Variants in MEGF6 observed in about 807,000 individuals in gnomAD.
MEGF6 encodes the protein multiple epidermal growth factor-like domains protein 6.
A neutral mutation model predicts 207.1 loss-of-function variants in MEGF6; 184 were observed. The observed-to-expected ratio is 0.89, with a 90% confidence interval of 0.79 to 1.00. The LOEUF (loss-of-function observed/expected upper bound fraction) is 1.00. Ranked by LOEUF, MEGF6 falls within the 50% of genes least tolerant of loss-of-function variation. The probability of loss-of-function intolerance (pLI) is 0.00; values close to 1 mark genes in which losing one functional copy is unlikely to be tolerated. For synonymous variants in MEGF6, 1,038 were observed against 910.0 expected, an observed-to-expected ratio of 1.14 and a Z score of -2.53; for missense variants, 2,282 against 2,202.9, an observed-to-expected ratio of 1.04 and a Z score of -0.72.
intron 30 of MEGF6, among the ~76,000 whole-genome samples, chr1:3,495,080 G>C (rs1189102373): frequency 3.9e-5 from 6 of 152,204 alleles, no homozygotes; most frequent in Non-Finnish European, 2.9e-5. Context: ...CTCCCGCTTG[G>C]GAGTGAAGGC....
At chr1:3,521,543 A>C (rs1641747089) in intron 5 of MEGF6, among the ~76,000 whole-genome samples, 1 of 152,152 alleles carries the variant, frequency 6.6e-6, no homozygotes. Context: ...TGGGTCCCTC[A>C]GCAACAAGAA....
the MEGF6 span, among the ~76,000 whole-genome samples, chr1:3,622,284 T>C: frequency 9.9e-5 from 15 of 152,260 alleles, no homozygotes; most frequent in Admixed American, 3.3e-4. Context: ...CTTGTCATAG[T>C]TCTCACAAGA....
chr1:3,601,174 T>C (rs1250397751), intron 2 of MEGF6, among the ~76,000 whole-genome samples: 3 of 152,154 alleles, frequency 2.0e-5, no homozygotes, highest in Admixed American at 6.5e-5. Flanking sequence ...CATGCCCCCA[T>C]AGCGAGGGGA....
At chr1:3,620,709 G>A in the MEGF6 span, among the ~76,000 whole-genome samples, 1 of 152,222 alleles carries the variant, frequency 6.6e-6, no homozygotes, top group Non-Finnish European at 1.5e-5. Context: ...ATGAGAGATC[G>A]TAGAAATAAA....
At chr1:3,599,270 T>TC (rs1178918706) in intron 2 of MEGF6, among the ~76,000 whole-genome samples, 11 of 152,154 alleles carry the variant, frequency 7.2e-5, no homozygotes, top group East Asian at 3.9e-4. Flanking sequence ...CCTGCTGGCC[T>TC]CCCCCCCAGA....
chr1:3,604,140 C>T (rs929482106), intron 1 of MEGF6, among the ~76,000 whole-genome samples: 6 of 152,344 alleles, frequency 3.9e-5, no homozygotes, highest in Non-Finnish European at 5.9e-5. Context: ...CAGAGTCCAG[C>T]TCCAGGTCTC....
chr1:3,616,631 A>C, the MEGF6 span, among the ~76,000 whole-genome samples: 16 of 152,204 alleles, frequency 1.1e-4, no homozygotes, highest in Admixed American at 2.6e-4. Context: ...ATCGCACCAG[A>C]AACCCTGCAC....
chr1:3,587,920 G>A (rs1159113290), intron 3 of MEGF6, among the ~76,000 whole-genome samples: 3 of 62,306 alleles, frequency 4.8e-5, no homozygotes, highest in Admixed American at 1.5e-4. Context: ...GAGGGGGCAG[G>A]AGAGGCCAGG....
intron 2 of MEGF6, among the ~76,000 whole-genome samples, chr1:3,599,728 C>T (rs912353284): frequency 4.3e-4 from 65 of 152,256 alleles, no homozygotes; most frequent in African/African-American, 1.4e-3. Flanking sequence ...GGCTGAGGGG[C>T]GTGCGTGGTG....
At chr1:3,580,297 G>C (rs1643762608) in intron 3 of MEGF6, among the ~76,000 whole-genome samples, 1 of 151,890 alleles carries the variant, frequency 6.6e-6, no homozygotes, top group Non-Finnish European at 1.5e-5. Context: ...CTGCCCAGTG[G>C]TCAGCGCTGC....
chr1:3,524,692 G>A (rs764948187), intron 4 of MEGF6, among the ~76,000 whole-genome samples: 2 of 152,226 alleles, frequency 1.3e-5, no homozygotes, highest in Admixed American at 6.5e-5. Context: ...CCTGAGAAAG[G>A]GGAGGGCGTG....
intron 3 of MEGF6, among the ~76,000 whole-genome samples, chr1:3,587,588 G>A (rs1226599278): frequency 1.3e-5 from 2 of 152,244 alleles, no homozygotes; most frequent in African/African-American, 4.8e-5. Context: ...TGAACCGGAA[G>A]CACGAAGGAG....
At chr1:3,592,883 C>T (rs1644002410) in intron 3 of MEGF6, among the ~76,000 whole-genome samples, 1 of 152,220 alleles carries the variant, frequency 6.6e-6, no homozygotes, top group African/African-American at 2.4e-5. Flanking sequence ...AGCTCAAGTC[C>T]AGGATCTGTG....
intron 17 of MEGF6, among the ~76,000 whole-genome samples, 162 bp from the exon 18 acceptor site, chr1:3,502,083 G>GC (rs147669413): frequency 1.9e-3 from 91 of 47,000 alleles, no homozygotes; most frequent in Admixed American, 1.7e-3. Flanking sequence ...TGGCGAGTGT[G>GC]CCCCCCCGCG....
At chr1:3,505,400 C>CGCA in intron 16 of MEGF6, 22 bp downstream of exon 16, 1 of 1,596,582 alleles carries the variant, frequency 6.3e-7, no homozygotes, top group South Asian at 1.1e-5. Flanking sequence ...CCCCCGCCCC[C>CGCA]AGACCCCATG....
At chr1:3,516,080 C>T (rs1056550728) in intron 5 of MEGF6, among the ~76,000 whole-genome samples, 1 of 152,246 alleles carries the variant, frequency 6.6e-6, no homozygotes, top group Non-Finnish European at 1.5e-5. Context: ...ACAGCTCCTA[C>T]CCACCCCAGG....
chr1:3,497,773 C>A (rs1331068100), intron 26 of MEGF6, among the ~76,000 whole-genome samples: 1 of 152,218 alleles, frequency 6.6e-6, no homozygotes, highest in African/African-American at 2.4e-5. Context: ...CCCAGGCCCC[C>A]CTCAGACAGC....
At chr1:3,517,451 T>C (rs1189843066) in intron 5 of MEGF6, among the ~76,000 whole-genome samples, 1 of 152,230 alleles carries the variant, frequency 6.6e-6, no homozygotes, top group Non-Finnish European at 1.5e-5. Context: ...ACACCCCAGA[T>C]GCTCCCAAGC....
intron 4 of MEGF6, among the ~76,000 whole-genome samples, chr1:3,567,060 G>A (rs1166238665): frequency 6.6e-6 from 1 of 152,238 alleles, no homozygotes; most frequent in African/African-American, 2.4e-5. Flanking sequence ...AGCGGCAGGT[G>A]CACTTGGGGC....
Sources: allele counts gnomAD v4.1 joint callset (sites outside exome capture counted in the v4.1 genomes callset), GRCh38; gene constraint gnomAD v4.1.1; transcripts MANE v1.5; gene names NCBI Gene and HGNC (gene_info 2026-07-23, HGNC 2026-07-21).